CATSPERB: variants seen among roughly 807,000 people sequenced by gnomAD.
CATSPERB encodes the protein cation channel sperm-associated auxiliary subunit beta.
Under a neutral mutation model 128.3 loss-of-function variants are expected in CATSPERB, and 93 were observed. The ratio of observed to expected loss-of-function variants is 0.72; its 90% CI spans 0.61 to 0.86. The LOEUF is 0.86. Ranked by LOEUF, CATSPERB falls within the 40% of genes least tolerant of loss-of-function variation. CATSPERB has a pLI of 0.00. For missense variants in CATSPERB, 1,153 were observed against 1,329.5 expected (o/e 0.87, Z 2.06); for synonymous variants, 381 against 448.8 (o/e 0.85, Z 1.91).
chr14:91,710,534 T>A (rs1233511251), intron 5 of CATSPERB: 1 of 152,198 alleles, frequency 6.6e-6, no homozygotes, highest in Non-Finnish European at 1.5e-5. Context: ...GACCTCTACT[T>A]GGCACTATTA....
intron 14 of CATSPERB, among the ~76,000 whole-genome samples, chr14:91,664,031 A>C (rs902646099): frequency 6.6e-6 from 1 of 152,130 alleles, no homozygotes; most frequent in African/African-American, 2.4e-5. Context: ...GTGTAATGGC[A>C]TGTATCCACC....
Position 91,729,458 on chromosome 14 carries a change from C to T in CATSPERB, c.22G>A (p.Val8Ile), listed in dbSNP as rs747969517. 2.2e-5 allele frequency: 34 copies of T among 1,532,452 alleles called. No individual in the cohort carries two copies. The highest frequency in any genetic ancestry group is 3.0e-5 in the Non-Finnish European group (33 of 1,116,338). The allele number at this position is 1,532,452 out of a possible 1,614,324, so 94.9% of individuals were successfully genotyped here. ...AATATGTTCAAAAGCAAAACTGAAA[C>T]ATATATAAGTGGCGATTCCATCTGT... MESPLIYVSVLLLNIFEF... is the reference protein window; with the variant it reads MESPLIYISVLLLNIFEF... Residue 8 changes from valine to isoleucine, a missense_variant, in exon 2 of 27, where the codon GTT becomes ATT. Coordinates refer to ENST00000256343, the MANE Select transcript of CATSPERB (RefSeq NM_024764.4).
chr14:91,694,026 T>C (rs1895516113), intron 7 of CATSPERB, among the ~76,000 whole-genome samples: 1 of 152,222 alleles, frequency 6.6e-6, no homozygotes, highest in South Asian at 2.1e-4. Context: ...CCTTGATTCC[T>C]AAATCCACTT....
intron 5 of CATSPERB, among the ~76,000 whole-genome samples, chr14:91,718,229 A>G (rs1280302545): frequency 1.3e-5 from 2 of 152,238 alleles, no homozygotes; most frequent in Non-Finnish European, 2.9e-5. Context: ...TAAAAATCAC[A>G]GATAGCTCCA....
At chr14:91,675,345 C>T (rs1188314458) in intron 11 of CATSPERB, among the ~76,000 whole-genome samples, 2 of 152,208 alleles carry the variant, frequency 1.3e-5, no homozygotes, top group Non-Finnish European at 2.9e-5. Context: ...CCTGTCATGG[C>T]GTTAGCTGCC....
chr14:91,591,283 G>A (rs974120058), intron 23 of CATSPERB, among the ~76,000 whole-genome samples: 1 of 151,678 alleles, frequency 6.6e-6, no homozygotes, highest in Non-Finnish European at 1.5e-5. Context: ...TCGAACTCCT[G>A]ACCTCAGGTG....
At chr14:91,622,419 C>A (rs924007768) in intron 18 of CATSPERB, among the ~76,000 whole-genome samples, 12 of 152,090 alleles carry the variant, frequency 7.9e-5, no homozygotes, top group African/African-American at 2.7e-4. Context: ...GGTTCTTGGG[C>A]AGGACCTTAA....
At chr14:91,620,747 C>T (rs1894027289) in intron 19 of CATSPERB, among the ~76,000 whole-genome samples, 2 of 151,958 alleles carry the variant, frequency 1.3e-5, no homozygotes, top group Admixed American at 1.3e-4. Context: ...TACCAAAATC[C>T]ACATATACTC....
chr14:91,730,826 G>A (rs1896198148), intron 1 of CATSPERB, among the ~76,000 whole-genome samples: 2 of 152,104 alleles, frequency 1.3e-5, no homozygotes, highest in African/African-American at 4.8e-5. Context: ...ACAATAGAAA[G>A]CTCAAACAGT....
Position 91,586,559 on chromosome 14 carries a change from GAGAGAGAGAGAA to G in CATSPERB, c.3132+631_3132+642del, listed in dbSNP as rs1414633006. ...TGGGCCGGAACAGGAGAGAGAGAGA[GAGAGAGAGAGAA>G]AGAGAGAGAGAGAGAGAGAGAGACA... On this transcript the variant is annotated intron_variant, in intron 26 of 26. Coordinates refer to ENST00000256343, the MANE Select transcript of CATSPERB (RefSeq NM_024764.4). Among the ~76,000 whole-genome samples the G allele has an allele frequency of 2.4e-4, 32 of 134,070 alleles. 1 individual carries two copies. The South Asian group carries it at 5.8e-3, about 24-fold the overall frequency. The allele number at this position is 134,070 out of a possible 152,430, so 88.0% of individuals were successfully genotyped here. A position where few individuals can be genotyped will look rare whatever the true frequency, so the allele number is the denominator to read the frequency against.
intron 17 of CATSPERB, among the ~76,000 whole-genome samples, chr14:91,632,208 A>G (rs1894291861): frequency 6.6e-6 from 1 of 152,184 alleles, no homozygotes; most frequent in South Asian, 2.1e-4. Flanking sequence ...GTCTTTTATG[A>G]CAGATATACA....
chr14:91,640,689 A>T (rs866300259), intron 15 of CATSPERB, among the ~76,000 whole-genome samples: 1 of 75,212 alleles, frequency 1.3e-5, no homozygotes, highest in African/African-American at 5.9e-5. Context: ...ATTGTGAATA[A>T]TGCCGCAATA....
intron 4 of CATSPERB, among the ~76,000 whole-genome samples, chr14:91,722,190 T>A (rs1250698386): frequency 6.6e-6 from 1 of 152,216 alleles, no homozygotes; most frequent in Admixed American, 6.5e-5. Flanking sequence ...TCCCTGGCCA[T>A]GTAGCTAAGA....
intron 7 of CATSPERB, among the ~76,000 whole-genome samples, chr14:91,700,179 G>A (rs560168406): frequency 2.0e-5 from 3 of 152,126 alleles, no homozygotes; most frequent in East Asian, 1.9e-4. Flanking sequence ...GAGAACATGC[G>A]GTGTTTGGTT....
At position 91,636,453 on chromosome 14, in the gene CATSPERB, T is replaced by C. The variant is rs763308408; in HGVS notation, c.1714A>G (p.Ile572Val). ...GAGTGTATCACTTTTCCATAGTGTA[T>C]ATTGCCGAACTTCTTGCTGTAGATC... is the stretch of plus-strand genomic sequence containing the variant. ...ETIYSKKFGN[I>V]HYGKVIHSGK... The change falls in exon 17 of 27, where the codon ATA becomes GTA. Residue 572 changes from isoleucine to valine, a missense_variant. Transcript: ENST00000256343. 8 of 1,614,120 alleles carry C rather than the reference T, an allele frequency of 5.0e-6. No homozygotes were observed. Among genetic ancestry groups the C allele is most frequent in the East Asian group, 2.2e-5 (1 of 44,886 alleles).
chr14:91,652,054 T>A (rs1894711529), intron 15 of CATSPERB, among the ~76,000 whole-genome samples: 1 of 152,014 alleles, frequency 6.6e-6, no homozygotes, highest in South Asian at 2.1e-4. Flanking sequence ...ATACAAGAAG[T>A]AAAAAGTGCT....
chr14:91,604,824 T>A (rs1893669702), intron 22 of CATSPERB: 9 of 1,544,722 alleles, frequency 5.8e-6, no homozygotes, highest in Non-Finnish European at 8.1e-6. Context: ...GCCTTCTGAG[T>A]CACACCATTG....
In CATSPERB at chr14:91,587,972, C is replaced by G. The variant is rs1168620549; in HGVS notation, c.3057+6G>C. 1.5e-5 allele frequency: 23 copies of G among 1,567,686 alleles called. No homozygotes were observed. The East Asian group carries it at 5.2e-4, about 35-fold the overall frequency. ...AACACAGTAAAAACAACAATGCCAT[C>G]ATTACCTTTATGCTTAAGTTGAGAC... On this transcript the variant is annotated splice_donor_region_variant and intron_variant, in intron 25 of 26. Transcript: ENST00000256343.
At chr14:91,713,488 A>C (rs1895877336) in intron 5 of CATSPERB, among the ~76,000 whole-genome samples, 1 of 152,162 alleles carries the variant, frequency 6.6e-6, no homozygotes, top group South Asian at 2.1e-4. Flanking sequence ...AAAATAGGGA[A>C]CACCACTACA....
Sources: allele counts gnomAD v4.1 joint callset (sites outside exome capture counted in the v4.1 genomes callset), GRCh38; gene constraint gnomAD v4.1.1; transcripts MANE v1.5; gene names NCBI Gene and HGNC (gene_info 2026-07-23, HGNC 2026-07-21).